Variants in PRKCH observed in about 807,000 individuals in gnomAD.
PRKCH encodes protein kinase C eta type.
Under a neutral mutation model 82.5 loss-of-function variants are expected in PRKCH, and 28 were observed. That is an observed-to-expected ratio of 0.34 (90% CI 0.25 to 0.47). The LOEUF (loss-of-function observed/expected upper bound fraction) is 0.47. PRKCH is among the 20% of genes least tolerant of loss of function. The pLI is 1.00. For missense variants in PRKCH, 705 were observed against 881.8 expected, an observed-to-expected ratio of 0.80 and a Z score of 2.54; for synonymous variants, 322 against 327.4, an observed-to-expected ratio of 0.98 and a Z score of 0.18.
chr14:61,266,868 G>C (rs2045106924), intron 1 of PRKCH, among the ~76,000 whole-genome samples: 1 of 152,114 alleles, frequency 6.6e-6, no homozygotes, highest in African/African-American at 2.4e-5. Flanking sequence ...AGGGAGATGA[G>C]GTGATGGGGA....
At chr14:61,221,652 C>T (rs1183903542) in intron 1 of PRKCH, among the ~76,000 whole-genome samples, 7 of 152,056 alleles carry the variant, frequency 4.6e-5, no homozygotes, top group African/African-American at 1.7e-4. Flanking sequence ...ACCTTGGTCC[C>T]CACTTAGAGA....
intron 1 of PRKCH, among the ~76,000 whole-genome samples, chr14:61,197,053 G>A (rs370288001): frequency 5.7e-4 from 86 of 152,178 alleles, no homozygotes; most frequent in African/African-American, 1.9e-3. Context: ...TTGCTCAGCC[G>A]TCTCACTTCT....
intron 1 of PRKCH, among the ~76,000 whole-genome samples, chr14:61,216,521 T>G (rs1295505858): frequency 6.6e-6 from 1 of 151,952 alleles, no homozygotes; most frequent in Non-Finnish European, 1.5e-5. Flanking sequence ...AGTCAAAGGT[T>G]GCAAAGAAAT....
In PRKCH at chr14:61,323,181, T is replaced by TC. The variant is rs138300612; in HGVS notation, c.363+723dup. 1.2e-4 allele frequency among the ~76,000 whole-genome samples: 18 copies of TC among 152,110 alleles called. No individual in the cohort carries two copies. The East Asian group carries it at 3.3e-3, about 28-fold the overall frequency. On this transcript the variant is annotated intron_variant, in intron 1 of 13. Coordinates refer to ENST00000332981, the MANE Select transcript of PRKCH (RefSeq NM_006255.5). ...TCAGGAGGTTGTTAACTGTCTTCCC[T>TC]CCCCCCATCACCAGCCTGTGTTCCT...
At chr14:61,432,496 T>C (rs1197067932) in intron 2 of PRKCH, among the ~76,000 whole-genome samples, 1 of 152,172 alleles carries the variant, frequency 6.6e-6, no homozygotes, top group Non-Finnish European at 1.5e-5. Flanking sequence ...GGAAAGCTAG[T>C]TTCTTACTTT....
Position 61,329,254 on chromosome 14 carries a change from T to TTTTTTTTTG in PRKCH, c.363+6790_363+6791insTTTTTTTTG, listed in dbSNP as rs1555375988. 4.3e-3 allele frequency among the ~76,000 whole-genome samples: 526 copies of TTTTTTTTTG among 122,272 alleles called. 13 individuals are homozygous for TTTTTTTTTG. Among genetic ancestry groups the TTTTTTTTTG allele is most frequent in the East Asian group, 8.6e-3 (35 of 4,090 alleles). 80.2% of individuals were successfully genotyped at this position (122,272 alleles called of 152,430 possible). A position where few individuals can be genotyped will look rare whatever the true frequency, so the allele number is the denominator to read the frequency against. Reference sequence around the variant, plus strand: ...TGAGTCTTTTTTTTTTTTTTTTTTTTGAGACAGAATCTCTCTCTGTTGCCC... The same window carrying TTTTTTTTTG: ...TGAGTCTTTTTTTTTTTTTTTTTTTTTTTTTTTTGGAGACAGAATCTCTCTCTGTTGCCC... On this transcript the variant is annotated intron_variant, in intron 1 of 13. Coordinates refer to ENST00000332981, the MANE Select transcript of PRKCH (RefSeq NM_006255.5).
At chr14:61,362,581 A>G (rs1290384722) in intron 1 of PRKCH, among the ~76,000 whole-genome samples, 2 of 152,200 alleles carry the variant, frequency 1.3e-5, no homozygotes, top group Non-Finnish European at 2.9e-5. Flanking sequence ...TATTTGTAAA[A>G]GTTGAGTTTC....
chr14:61,456,437 G>A (rs959406410), intron 7 of PRKCH, among the ~76,000 whole-genome samples: 1 of 152,174 alleles, frequency 6.6e-6, no homozygotes, highest in Non-Finnish European at 1.5e-5. Flanking sequence ...CCATGAAATG[G>A]ATATTGAATA....
intron 1 of PRKCH, chr14:61,281,185 T>C: frequency 8.1e-7 from 1 of 1,241,400 alleles, no homozygotes; most frequent in Non-Finnish European, 1.0e-6. Flanking sequence ...GCTGACCGAG[T>C]GGGGGCCCCG....
chr14:61,222,080 C>T (rs953600992), intron 1 of PRKCH, among the ~76,000 whole-genome samples: 6 of 152,160 alleles, frequency 3.9e-5, no homozygotes, highest in Non-Finnish European at 7.4e-5. Context: ...AGAGTGCTGA[C>T]GCCTGCCTTC....
At chr14:61,474,016 CT>C in intron 9 of PRKCH, among the ~76,000 whole-genome samples, 1 of 151,448 alleles carries the variant, frequency 6.6e-6, no homozygotes, top group Non-Finnish European at 1.5e-5. Flanking sequence ...AATCAAAAAT[CT>C]TTTAGTAGAT....
intron 9 of PRKCH, among the ~76,000 whole-genome samples, chr14:61,472,947 A>G (rs1440414185): frequency 6.6e-6 from 1 of 152,210 alleles, no homozygotes; most frequent in African/African-American, 2.4e-5. Flanking sequence ...CCTGCCTTTT[A>G]ATTGCTTACA....
intron 1 of PRKCH, among the ~76,000 whole-genome samples, chr14:61,209,310 TAAAA>T (rs6145367): frequency 2.2e-5 from 2 of 92,880 alleles, no homozygotes; most frequent in Non-Finnish European, 2.4e-5. Context: ...TGCCTTTATT[TAAAA>T]AAAAAAAAAA....
intron 5 of PRKCH, among the ~76,000 whole-genome samples, chr14:61,449,845 T>G (rs920465828): frequency 1.3e-5 from 2 of 151,376 alleles, no homozygotes; most frequent in African/African-American, 4.9e-5. Context: ...TTAAGAAATT[T>G]CAGGGAAGAT....
chr14:61,275,136 T>A (rs974660673), intron 1 of PRKCH, among the ~76,000 whole-genome samples: 14 of 152,248 alleles, frequency 9.2e-5, no homozygotes, highest in African/African-American at 3.1e-4. Context: ...CAAGTATTAA[T>A]CAAGCCTTCC....
chr14:61,363,013 G>A (rs945323886), intron 1 of PRKCH, among the ~76,000 whole-genome samples: 3 of 152,234 alleles, frequency 2.0e-5, no homozygotes, highest in African/African-American at 4.8e-5. Flanking sequence ...ACAATGGGTA[G>A]GACTTAGATG....
At chr14:61,198,361 T>A (rs2044455747) in intron 1 of PRKCH, among the ~76,000 whole-genome samples, 1 of 152,104 alleles carries the variant, frequency 6.6e-6, no homozygotes, top group Non-Finnish European at 1.5e-5. Context: ...GGTTCTTCCA[T>A]CCTCCATGCC....
intron 1 of PRKCH, among the ~76,000 whole-genome samples, chr14:61,263,965 A>C (rs2140081730): frequency 6.6e-6 from 1 of 151,558 alleles, no homozygotes; most frequent in Non-Finnish European, 1.5e-5. Flanking sequence ...TATTTTATTT[A>C]ATCTCATATG....
At chr14:61,544,346 G>A (rs966201291) in intron 12 of PRKCH, 9 of 152,168 alleles carry the variant, frequency 5.9e-5, no homozygotes, top group Admixed American at 3.9e-4. Context: ...TGGAAAACCT[G>A]ACTTTTCATG....
Sources: allele counts gnomAD v4.1 joint callset (sites outside exome capture counted in the v4.1 genomes callset), GRCh38; gene constraint gnomAD v4.1.1; transcripts MANE v1.5; gene names NCBI Gene and HGNC (gene_info 2026-07-23, HGNC 2026-07-21).